Variants in ITPKB observed in about 807,000 individuals in gnomAD.
ITPKB encodes the protein inositol-trisphosphate 3-kinase B, also known as IP3 3-kinase B.
Under a neutral mutation model 69.4 loss-of-function variants are expected in ITPKB, and 13 were observed. That is an observed-to-expected ratio of 0.19 (90% CI 0.12 to 0.30). The LOEUF (loss-of-function observed/expected upper bound fraction) is 0.30. Ranked by LOEUF, ITPKB falls within the 10% of genes least tolerant of loss-of-function variation. ITPKB has a pLI of 1.00. For missense variants in ITPKB, 1,240 were observed against 1,250.5 expected, an observed-to-expected ratio of 0.99 and a Z score of 0.13; for synonymous variants, 584 against 513.7, an observed-to-expected ratio of 1.14 and a Z score of -1.85.
chr1:226,719,526 G>A (rs1053331325), intron 2 of ITPKB, among the ~76,000 whole-genome samples: 11 of 152,154 alleles, frequency 7.2e-5, no homozygotes, highest in African/African-American at 2.7e-4. Flanking sequence ...TTGAAAGCCT[G>A]GGCATTCTGT....
At chr1:226,685,695 G>A (rs949131434) in intron 2 of ITPKB, among the ~76,000 whole-genome samples, 2 of 152,234 alleles carry the variant, frequency 1.3e-5, no homozygotes, top group African/African-American at 4.8e-5. Context: ...TCAAGGGCAG[G>A]CACCAGGGCT....
intron 2 of ITPKB, among the ~76,000 whole-genome samples, chr1:226,699,824 T>C (rs1047197564): frequency 1.3e-5 from 2 of 152,124 alleles, no homozygotes; most frequent in East Asian, 1.9e-4. Flanking sequence ...ACCAATAGGA[T>C]AGATAAATAT....
chr1:226,717,483 C>T (rs896372120), intron 2 of ITPKB, among the ~76,000 whole-genome samples: 1 of 152,204 alleles, frequency 6.6e-6, no homozygotes, highest in Admixed American at 6.5e-5. Flanking sequence ...GCACCAGTGG[C>T]GGAAAGGAAG....
intron 2 of ITPKB, among the ~76,000 whole-genome samples, chr1:226,650,585 T>C (rs1195526907): frequency 2.0e-5 from 3 of 152,192 alleles, no homozygotes; most frequent in Non-Finnish European, 4.4e-5. Flanking sequence ...CAGTGGCTCG[T>C]GGGGACGCCC....
intron 2 of ITPKB, among the ~76,000 whole-genome samples, chr1:226,662,631 G>A (rs1669421976): frequency 6.6e-6 from 1 of 152,134 alleles, no homozygotes. Flanking sequence ...TGGTTAAGGG[G>A]GTCATCCTGG....
At chr1:226,662,769 A>C (rs930989855) in intron 2 of ITPKB, among the ~76,000 whole-genome samples, 15 of 152,264 alleles carry the variant, frequency 9.9e-5, no homozygotes, top group African/African-American at 2.7e-4. Flanking sequence ...GGTGCAATTC[A>C]TATTTCTGAC....
At chr1:226,692,263 CT>C (rs1159156360) in intron 2 of ITPKB, among the ~76,000 whole-genome samples, 2 of 151,582 alleles carry the variant, frequency 1.3e-5, no homozygotes, top group African/African-American at 2.4e-5. Flanking sequence ...TTTTTTTCCC[CT>C]GGTTCTTGTT....
intron 2 of ITPKB, among the ~76,000 whole-genome samples, chr1:226,713,798 C>T (rs1451367431): frequency 6.6e-6 from 1 of 152,110 alleles, no homozygotes; most frequent in Non-Finnish European, 1.5e-5. Flanking sequence ...GTTCAGATAA[C>T]AATCAGTGTC....
At position 226,631,797 on chromosome 1, in the gene ITPKB, G is replaced by C. The variant is rs1204538668; in HGVS notation, c.*2874C>G. ...AAGGTCCCATGGGGAGAGGGGTGCAGAACAGGAAGAGAGCCTCTCGGCAGG... is the reference window on the plus strand; with the variant it reads ...AAGGTCCCATGGGGAGAGGGGTGCACAACAGGAAGAGAGCCTCTCGGCAGG... On this transcript the variant is annotated 3_prime_UTR_variant, in exon 8 of 8. Transcript: ENST00000429204. 1 of 148,828 alleles carries C rather than the reference G, an allele frequency of 6.7e-6. No individual in the cohort carries two copies. Among genetic ancestry groups the C allele is most frequent in the Non-Finnish European group, 1.5e-5 (1 of 67,132 alleles). 9.2% of individuals were successfully genotyped at this position (148,828 alleles called of 1,614,324 possible). A position where few individuals can be genotyped will look rare whatever the true frequency, so the allele number is the denominator to read the frequency against.
At position 226,637,721 on chromosome 1, in the gene ITPKB, A is replaced by C; in HGVS notation, c.2583T>G (p.Ile861Met). Residue 861 changes from isoleucine (I) to methionine (M), a missense_variant, in exon 7 of 8, where the codon ATT becomes ATG. Ile to Met is a conservative substitution (Grantham distance 10). Around this residue, in one of 2 missense-constraint regions of ITPKB, gnomAD observed 248 missense variants for 396.7 expected, o/e 0.63. Transcript: ENST00000429204. This position sits in a 1 kb window ranked among gnomAD's most constrained non-coding sequence, Gnocchi z 4.3. ...AGGGAGAAACTTCTAGAGTGGTTCGAATGGCCTTCAGCCGGTCCCGATAGG... is the reference window on the plus strand; with the variant it reads ...AGGGAGAAACTTCTAGAGTGGTTCGCATGGCCTTCAGCCGGTCCCGATAGG... ...LIAYRDRLKA[I>M]RTTLEVSPFF... 6.2e-7 allele frequency: 1 copy of C among 1,614,110 alleles called. No homozygotes were observed. Among genetic ancestry groups the C allele is most frequent in the South Asian group, 1.1e-5 (1 of 91,060 alleles).
chr1:226,646,223 G>A (rs1669059042), intron 4 of ITPKB, among the ~76,000 whole-genome samples: 2 of 152,234 alleles, frequency 1.3e-5, no homozygotes. Flanking sequence ...GGGTGCTGCA[G>A]TGAGGGCCAG....
intron 2 of ITPKB, among the ~76,000 whole-genome samples, chr1:226,713,073 TACAC>T (rs1268821371): frequency 6.0e-5 from 9 of 149,086 alleles, no homozygotes; most frequent in African/African-American, 2.3e-4. Context: ...CACACACACA[TACAC>T]ACGTGCATAT....
chr1:226,733,139 G>A (rs928663253), intron 2 of ITPKB, among the ~76,000 whole-genome samples: 11 of 152,146 alleles, frequency 7.2e-5, no homozygotes, highest in African/African-American at 2.7e-4. Flanking sequence ...TGTGAGCATA[G>A]GAGGGTAAGT....
chr1:226,636,814 T>A (rs1293966107), intron 7 of ITPKB, among the ~76,000 whole-genome samples: 2 of 150,734 alleles, frequency 1.3e-5, no homozygotes, highest in Admixed American at 1.3e-4. Context: ...AAGGCATGCA[T>A]GTTTGTGTAT....
intron 2 of ITPKB, among the ~76,000 whole-genome samples, chr1:226,714,769 C>G (rs1657055741): frequency 6.6e-6 from 1 of 152,248 alleles, no homozygotes; most frequent in African/African-American, 2.4e-5. Context: ...GGACTTCACA[C>G]TGTAAACATG....
In ITPKB at chr1:226,737,124, T is replaced by G; in HGVS notation, c.335A>C (p.Gln112Pro). The change falls in exon 2 of 8, where the codon CAG (glutamine) becomes CCG (proline). Residue 112 changes from glutamine to proline, a missense_variant. Around this residue, in one of 2 missense-constraint regions of ITPKB, gnomAD observed 992 missense variants for 853.8 expected, o/e 1.16. Transcript: ENST00000429204. The part of the protein sequence containing the change: ...WAGRLRGDRQ[Q>P]VVAAGTLSPP... ...GGAGAGGGTACCGGCTGCCACCACCTGCTGCCGGTCCCCTCGCAGGCGACC... is the reference window on the plus strand; with the variant it reads ...GGAGAGGGTACCGGCTGCCACCACCGGCTGCCGGTCCCCTCGCAGGCGACC... 1.2e-6 allele frequency: 2 copies of G among 1,603,484 alleles called. No individual in the cohort carries two copies. Among genetic ancestry groups the G allele is most frequent in the Non-Finnish European group, 1.7e-6 (2 of 1,179,654 alleles).
rs1668954073 is a variant in ITPKB, at chr1:226,641,172, A to G, written c.2451+749T>C. Reference sequence around the variant, plus strand: ...AGGGAGATCATCCAGACAGTCACCAATCCAGACAGTGCCAGTTCCCCAATT... The same window carrying G: ...AGGGAGATCATCCAGACAGTCACCAGTCCAGACAGTGCCAGTTCCCCAATT... On this transcript the variant is annotated intron_variant, in intron 5 of 7. Transcript: ENST00000429204. The surrounding 1 kb of genome is among the most constrained non-coding windows in gnomAD (Gnocchi z 4.6). Among the ~76,000 whole-genome samples the G allele has an allele frequency of 6.6e-6, 1 of 152,228 alleles. No individual in the cohort carries two copies. The highest frequency in any genetic ancestry group is 2.4e-5 in the African/African-American group (1 of 41,454).
At position 226,633,515 on chromosome 1, in the gene ITPKB, G is replaced by A. The variant is rs1668765741; in HGVS notation, c.*1156C>T. ...TCTCCAAATGCAGAGACTTCAGGAA[G>A]AGGTGCCTGGAGCACGCCCTGGCAT... On this transcript the variant is annotated 3_prime_UTR_variant, in exon 8 of 8. Coordinates refer to ENST00000429204, the MANE Select transcript of ITPKB (RefSeq NM_002221.4). The A allele has an allele frequency of 6.6e-6, 1 of 152,236 alleles. No homozygotes were observed. The highest frequency in any genetic ancestry group is 2.4e-5 in the African/African-American group (1 of 41,458). 9.4% of individuals were successfully genotyped at this position (152,236 alleles called of 1,614,324 possible).
chr1:226,707,440 G>T (rs757661405), intron 2 of ITPKB: 2 of 665,502 alleles, frequency 3.0e-6, no homozygotes, highest in Non-Finnish European at 3.7e-6. Context: ...CAGGTGATCC[G>T]CCCGCCTTGG....
Sources: gnomAD v4.1 joint callset for allele counts (sites outside exome capture counted in the v4.1 genomes callset) on GRCh38, gnomAD v4.1.1 for gene constraint, gnomAD v4.1.1 regional missense constraint, Gnocchi (gnomAD v3.1) non-coding constraint, MANE v1.5 for transcripts, NCBI Gene and HGNC (gene_info 2026-07-23, HGNC 2026-07-21) for gene names.